The following SLC7A7 variants were observed in gnomAD, a reference collection of about 807,000 sequenced individuals.
SLC7A7 encodes the protein Y+L amino acid transporter 1.
SLC7A7 carries 39 observed loss-of-function variants against 47.9 expected under a neutral mutation model. That is an observed-to-expected ratio of 0.81 (90% CI 0.63 to 1.06). The LOEUF (loss-of-function observed/expected upper bound fraction) is 1.06, where lower values mean the gene tolerates loss of function less well. SLC7A7 is among the 50% of genes least tolerant of loss of function. The pLI is 0.00. For synonymous variants in SLC7A7, 234 were observed against 242.8 expected (o/e 0.96, Z 0.34); for missense variants, 588 against 632.0 (o/e 0.93, Z 0.75).
rs766087313 is a variant in SLC7A7 at position 22,775,509 on chromosome 14, G to C, written c.1030C>G (p.Leu344Val). 5 of 1,614,094 alleles carry C rather than the reference G, an allele frequency of 3.1e-6. No individual in the cohort carries two copies. The highest frequency in any genetic ancestry group is 4.2e-6 in the Non-Finnish European group (5 of 1,180,030). The change falls in exon 7 of 10, where the codon CTC becomes GTC. Residue 344 changes from leucine (L) to valine (V), a missense_variant. By Grantham distance (32) the Leu-to-Val change is conservative. Coordinates refer to ENST00000674313, the MANE Select transcript of SLC7A7 (RefSeq NM_003982.4). Reference sequence around the variant, plus strand: ...TGGATCATGCAGATGGCATCAGGGAGATGGCCTTCTCTTGAGCCCACAAAG... The same window carrying C: ...TGGATCATGCAGATGGCATCAGGGACATGGCCTTCTCTTGAGCCCACAAAG... The part of the protein sequence containing the change: ...LFFVGSREGH[L>V]PDAICMIHVE...
intron 4 of SLC7A7, 136 bp downstream of exon 4, chr14:22,778,657 C>A: frequency 1.1e-6 from 1 of 869,610 alleles, no homozygotes; most frequent in Non-Finnish European, 1.8e-6. Context: ...TTCTCTGAGC[C>A]TCAGGCCTCC....
Position 22,778,773 on chromosome 14 carries a change from G to GT in SLC7A7, c.770+19dup, listed in dbSNP as rs776388954. 1 of 1,611,180 alleles carries GT rather than the reference G, an allele frequency of 6.2e-7. No homozygotes were observed. Among genetic ancestry groups the GT allele is most frequent in the East Asian group, 2.2e-5 (1 of 44,822 alleles). ...ATGATGGCTATCACTGCTATGGAAA[G>GT]TTGGTGGTGCAGTACCTACCTCTCA... is the stretch of plus-strand genomic sequence containing the variant. On this transcript the variant is annotated intron_variant, in intron 4 of 9. Coordinates refer to ENST00000674313, the MANE Select transcript of SLC7A7 (RefSeq NM_003982.4).
Position 22,813,312 on chromosome 14 carries a change from C to T in SLC7A7, c.87G>A (p.Glu29=), listed in dbSNP as rs779904764. ...PLGDGASPGP[E]QVKLKKEISL... is the part of the protein sequence containing the mutation. ...AGATCTCCTTCTTCAGCTTCACCTG[C>T]TCCGGCCCTGGGCTGGCCCCATCAC... The change falls in exon 2 of 10, where the codon GAG becomes GAA. Residue 29 remains glutamate (E), a synonymous_variant. Coordinates refer to ENST00000674313, the MANE Select transcript of SLC7A7 (RefSeq NM_003982.4). 6.2e-7 allele frequency: 1 copy of T among 1,614,204 alleles called. No individual in the cohort carries two copies. The highest frequency in any genetic ancestry group is 1.1e-5 in the South Asian group (1 of 91,086).
intron 2 of SLC7A7, among the ~76,000 whole-genome samples, chr14:22,793,718 A>G (rs575943729): frequency 6.6e-6 from 1 of 152,228 alleles, no homozygotes; most frequent in African/African-American, 2.4e-5. Flanking sequence ...AGGGAGGCTG[A>G]GGCAGGAGAA....
intron 4 of SLC7A7, 143 bp downstream of exon 4, chr14:22,778,650 T>C (rs2139394391): frequency 1.2e-6 from 1 of 803,954 alleles, no homozygotes; most frequent in Admixed American, 2.8e-5. Flanking sequence ...AAGTTACTTC[T>C]CTGAGCCTCA....
chr14:22,811,988 A>G (rs1421210337), intron 2 of SLC7A7, among the ~76,000 whole-genome samples: 1 of 152,188 alleles, frequency 6.6e-6, no homozygotes, highest in Non-Finnish European at 1.5e-5. Flanking sequence ...CAGCTAGATA[A>G]ATAAACTACT....
At chr14:22,802,026 C>T (rs1225355335) in intron 2 of SLC7A7, among the ~76,000 whole-genome samples, 1 of 152,212 alleles carries the variant, frequency 6.6e-6, no homozygotes, top group Non-Finnish European at 1.5e-5. Context: ...TCAACATGCC[C>T]CCATCCTCCT....
intron 2 of SLC7A7, among the ~76,000 whole-genome samples, chr14:22,806,228 C>T (rs913741974): frequency 3.2e-4 from 32 of 99,434 alleles, no homozygotes; most frequent in African/African-American, 1.2e-3. Flanking sequence ...CAGAGTCTTG[C>T]TCTGTCGCCC....
intron 2 of SLC7A7, among the ~76,000 whole-genome samples, chr14:22,801,277 C>A (rs535614348): frequency 7.1e-4 from 108 of 152,198 alleles, no homozygotes; most frequent in African/African-American, 2.5e-3. Context: ...CCTTTCAGTG[C>A]CTGAAAGGAG....
intron 2 of SLC7A7, 57 bp from the exon 3 acceptor site, chr14:22,780,108 C>T (rs1265223315): frequency 8.1e-6 from 13 of 1,610,218 alleles, no homozygotes; most frequent in African/African-American, 1.3e-5. Context: ...GGGCCTTAGA[C>T]TCCCAAGCAA....
intron 2 of SLC7A7, among the ~76,000 whole-genome samples, chr14:22,781,041 C>G (rs543328681): frequency 6.6e-6 from 1 of 152,096 alleles, no homozygotes; most frequent in South Asian, 2.1e-4. Flanking sequence ...ACAGATCTTC[C>G]CACTGGTAGC....
upstream of SLC7A7, among the ~76,000 whole-genome samples, chr14:22,818,562 C>T (rs548103112): frequency 2.7e-5 from 4 of 149,880 alleles, no homozygotes; most frequent in East Asian, 3.9e-4. Context: ...CCCAAAGGGG[C>T]TCTTCTACCC....
upstream of SLC7A7, among the ~76,000 whole-genome samples, chr14:22,818,576 G>GT (rs770599032): frequency 4.3e-5 from 4 of 92,876 alleles, no homozygotes; most frequent in Admixed American, 1.0e-4. Context: ...TCTACCCCAG[G>GT]TTTTTGGTTT....
At chr14:22,783,982 G>A (rs1171895015) in intron 2 of SLC7A7, among the ~76,000 whole-genome samples, 5 of 152,352 alleles carry the variant, frequency 3.3e-5, no homozygotes, top group South Asian at 2.1e-4. Context: ...AAATGGGTAT[G>A]GCAGGCAGCA....
rs761778207 is a variant in SLC7A7 at position 22,775,476 on chromosome 14, G to T, written c.1063C>A (p.Arg355=). ...PDAICMIHVE[R]FTPVPSLLFN... The stretch of plus-strand genomic sequence containing the variant: ...AGCAGAGAAGGCACTGGTGTGAACC[G>T]CTCAACATGGATCATGCAGATGGCA... The change falls in exon 7 of 10, where the codon CGG becomes AGG. Residue 355 remains arginine (R), a synonymous_variant. Transcript: ENST00000674313. 7 of 1,613,958 alleles carry T rather than the reference G, an allele frequency of 4.3e-6. 1 individual carries two copies. The South Asian group carries it at 6.6e-5, about 15-fold the overall frequency.
chr14:22,787,628 C>T lies in SLC7A7; in HGVS notation c.500-7577G>A, dbSNP rs1156324861. 2.6e-5 allele frequency among the ~76,000 whole-genome samples: 4 copies of T among 151,624 alleles called. No individual in the cohort carries two copies. The East Asian group carries it at 5.8e-4, about 22-fold the overall frequency. On this transcript the variant is annotated intron_variant, in intron 2 of 9. Coordinates refer to ENST00000674313, the MANE Select transcript of SLC7A7 (RefSeq NM_003982.4). Reference sequence around the variant, plus strand: ...AAAATTAGCAGGGTGTGATGGCACACGCCTGTGGTCCCAGCTACTCAGGAG... The same window carrying T: ...AAAATTAGCAGGGTGTGATGGCACATGCCTGTGGTCCCAGCTACTCAGGAG...
chr14:22,806,894 A>AC (rs1199499737), intron 2 of SLC7A7, among the ~76,000 whole-genome samples: 1 of 109,000 alleles, frequency 9.2e-6, no homozygotes, highest in Non-Finnish European at 1.9e-5. Context: ...TCCACTGTTA[A>AC]CTTTTTTTTT....
At chr14:22,782,414 ATT>A (rs34293345) in intron 2 of SLC7A7, among the ~76,000 whole-genome samples, 27 of 137,206 alleles carry the variant, frequency 2.0e-4, no homozygotes, top group African/African-American at 6.0e-4. Flanking sequence ...ATATTTTATT[ATT>A]TTTTTTTATT....
intron 9 of SLC7A7, 79 bp from the exon 10 acceptor site, chr14:22,773,795 TGA>T (rs2038529812): frequency 5.9e-6 from 9 of 1,515,218 alleles, no homozygotes; most frequent in South Asian, 1.1e-5. Context: ...GAACTCAGTG[TGA>T]GGGGAGTGAT....
Sources: gnomAD v4.1 joint callset for allele counts (sites outside exome capture counted in the v4.1 genomes callset) on GRCh38, gnomAD v4.1.1 for gene constraint, MANE v1.5 for transcripts, NCBI Gene and HGNC (gene_info 2026-07-23, HGNC 2026-07-21) for gene names.